The following MACC1 variants were observed in gnomAD, a reference collection of about 807,000 sequenced individuals.
MACC1 encodes the protein metastasis-associated in colon cancer protein 1.
A neutral mutation model predicts 70.7 loss-of-function variants in MACC1; 79 were observed. That is an observed-to-expected ratio of 1.12 (90% CI 0.93 to 1.35). The LOEUF (loss-of-function observed/expected upper bound fraction) is 1.35. Ranked by LOEUF, MACC1 falls within the 40% of genes most tolerant of loss-of-function variation. The pLI is 0.00. For synonymous variants in MACC1, 361 were observed against 347.2 expected (o/e 1.04, Z -0.44); for missense variants, 1,106 against 978.1 (o/e 1.13, Z -1.74).
intron 1 of MACC1, among the ~76,000 whole-genome samples, chr7:20,196,796 A>G (rs192886217): frequency 6.6e-6 from 1 of 152,308 alleles, no homozygotes. Flanking sequence ...ACTTAAAAAA[A>G]TAAGGTTGAA....
chr7:20,176,881 G>A (rs1298667652), intron 1 of MACC1, among the ~76,000 whole-genome samples: 1 of 152,142 alleles, frequency 6.6e-6, no homozygotes, highest in African/African-American at 2.4e-5. Flanking sequence ...TAGTGATGGC[G>A]AGCAGATTAG....
chr7:20,179,679 T>TG (rs1284889875), intron 1 of MACC1, among the ~76,000 whole-genome samples: 1 of 46,282 alleles, frequency 2.2e-5, no homozygotes, highest in Non-Finnish European at 3.6e-5. Flanking sequence ...GGAGTTGTTG[T>TG]TTTTTTTGTT....
At chr7:20,150,977 G>A (rs997588075) in intron 6 of MACC1, among the ~76,000 whole-genome samples, 3 of 152,016 alleles carry the variant, frequency 2.0e-5, no homozygotes, top group Non-Finnish European at 4.4e-5. Flanking sequence ...GAACCTGGGA[G>A]GTGGAGGTTA....
In MACC1 at chr7:20,183,529, A is replaced by C. The variant is rs534530262; in HGVS notation, c.-217-12751T>G. On this transcript the variant is annotated intron_variant, in intron 1 of 6. Transcript: ENST00000400331. Reference sequence around the variant, plus strand: ...GAACTAATGGATGGTTATTGCCTTAAATCTCTAAGTTTAAATGGTAATTTG... The same window carrying C: ...GAACTAATGGATGGTTATTGCCTTACATCTCTAAGTTTAAATGGTAATTTG... Among the ~76,000 whole-genome samples the C allele has an allele frequency of 4.6e-5, 7 of 152,302 alleles. No individual in the cohort carries two copies. The South Asian group carries it at 1.5e-3, about 32-fold the overall frequency.
intron 2 of MACC1, among the ~76,000 whole-genome samples, chr7:20,166,377 C>G (rs186012261): frequency 6.6e-6 from 1 of 152,118 alleles, no homozygotes; most frequent in Non-Finnish European, 1.5e-5. Flanking sequence ...ACAAAGGAAT[C>G]ATAATCAGCT....
chr7:20,184,841 A>G (rs752360128), intron 1 of MACC1: 20 of 152,188 alleles, frequency 1.3e-4, no homozygotes, highest in Non-Finnish European at 2.6e-4. Flanking sequence ...ATTCAAAAGG[A>G]AACTGGAAGA....
chr7:20,183,522 T>C (rs3114470), intron 1 of MACC1, among the ~76,000 whole-genome samples: 51,097 of 152,030 alleles, frequency 0.34, 9,990 homozygotes, highest in East Asian at 0.83. Flanking sequence ...GGATGGTTAT[T>C]GCCTTAAATC....
intron 2 of MACC1, among the ~76,000 whole-genome samples, chr7:20,169,783 A>G (rs766712660): frequency 1.3e-5 from 2 of 152,256 alleles, no homozygotes; most frequent in Non-Finnish European, 2.9e-5. Flanking sequence ...AAAATAGGTA[A>G]TAATTAGTAT....
chr7:20,152,050 A>T, intron 6 of MACC1, among the ~76,000 whole-genome samples: 1 of 152,170 alleles, frequency 6.6e-6, no homozygotes, highest in Non-Finnish European at 1.5e-5. Context: ...ACATTAATTA[A>T]TTTTTGTAAT....
At position 20,136,492 on chromosome 7, in the gene MACC1, C is replaced by G. The variant is rs1324052132; in HGVS notation, c.*4454G>C. On this transcript the variant is annotated 3_prime_UTR_variant, in exon 7 of 7. Transcript: ENST00000400331. Reference sequence around the variant, plus strand: ...ATATACATGCAAAAGATACACATTTCTACAATGTTCAGTGAAATCTTGATG... The same window carrying G: ...ATATACATGCAAAAGATACACATTTGTACAATGTTCAGTGAAATCTTGATG... 6 of 152,184 alleles carry G rather than the reference C, an allele frequency of 3.9e-5. No homozygotes were observed. Among genetic ancestry groups the G allele is most frequent in the Admixed American group, 3.9e-4 (6 of 15,276 alleles). The allele number at this position is 152,184 out of a possible 1,614,324, so 9.4% of individuals were successfully genotyped here.
At chr7:20,181,819 T>C (rs911489336) in intron 1 of MACC1, among the ~76,000 whole-genome samples, 24 of 151,974 alleles carry the variant, frequency 1.6e-4, no homozygotes, top group Non-Finnish European at 2.8e-4. Flanking sequence ...ACATAGAACT[T>C]TCAAAAGAGA....
chr7:20,189,746 CAT>C (rs1244670740), intron 1 of MACC1, among the ~76,000 whole-genome samples: 2 of 114,856 alleles, frequency 1.7e-5, no homozygotes, highest in Admixed American at 9.1e-5. Context: ...TACACAAACA[CAT>C]AAACACACAC....
chr7:20,162,806 T>G (rs1782158043), intron 3 of MACC1, among the ~76,000 whole-genome samples: 1 of 152,132 alleles, frequency 6.6e-6, no homozygotes, highest in Non-Finnish European at 1.5e-5. Flanking sequence ...AACCTAAAAG[T>G]GAAAACAAAA....
intron 3 of MACC1, among the ~76,000 whole-genome samples, chr7:20,162,403 GTTGT>G (rs1167252787): frequency 6.6e-6 from 1 of 152,076 alleles, no homozygotes; most frequent in Non-Finnish European, 1.5e-5. Context: ...TTTGAAGCAT[GTTGT>G]TTAACAACAC....
chr7:20,215,132 A>C (rs1327460007), intron 1 of MACC1, among the ~76,000 whole-genome samples: 1 of 152,044 alleles, frequency 6.6e-6, no homozygotes, highest in African/African-American at 2.4e-5. Flanking sequence ...TCCAGTAATT[A>C]TAGTTGAAAG....
chr7:20,174,998 C>G (rs1450912669), intron 1 of MACC1, among the ~76,000 whole-genome samples: 3 of 152,066 alleles, frequency 2.0e-5, no homozygotes, highest in Non-Finnish European at 4.4e-5. Context: ...TATCATCTCC[C>G]AGTATCTTCT....
In MACC1 at chr7:20,138,245, C is replaced by G. The variant is rs1404357624; in HGVS notation, c.*2701G>C. The G allele has an allele frequency of 6.6e-6, 1 of 150,596 alleles. No homozygotes were observed. The highest frequency in any genetic ancestry group is 1.5e-5 in the Non-Finnish European group (1 of 67,788). 9.3% of individuals were successfully genotyped at this position (150,596 alleles called of 1,614,324 possible). ...TATTTGTGTGTATTAATATTAGAAC[C>G]ATTGTTTCATCCTCAAATTACAGAG... On this transcript the variant is annotated 3_prime_UTR_variant, in exon 7 of 7. Coordinates refer to ENST00000400331, the MANE Select transcript of MACC1 (RefSeq NM_182762.4).
chr7:20,191,270 G>C (rs1465700743), intron 1 of MACC1, among the ~76,000 whole-genome samples: 2 of 152,204 alleles, frequency 1.3e-5, no homozygotes, highest in African/African-American at 4.8e-5. Context: ...GAAACAAAAG[G>C]GAAGAGGAAG....
At chr7:20,191,066 C>G (rs897294864) in intron 1 of MACC1, among the ~76,000 whole-genome samples, 1 of 152,194 alleles carries the variant, frequency 6.6e-6, no homozygotes, top group African/African-American at 2.4e-5. Flanking sequence ...TTACTCATAT[C>G]TGCAAAAGAC....
Sources: gnomAD v4.1 joint callset for allele counts (sites outside exome capture counted in the v4.1 genomes callset) on GRCh38, gnomAD v4.1.1 for gene constraint, MANE v1.5 for transcripts, NCBI Gene and HGNC (gene_info 2026-07-23, HGNC 2026-07-21) for gene names.